Variants in JAZF1 observed in about 807,000 individuals in gnomAD.
JAZF1 encodes JAZF zinc finger 1.
In JAZF1, 8 loss-of-function variants were observed where a neutral mutation model predicts 26.4. That is an observed-to-expected ratio of 0.30 (90% CI 0.18 to 0.55). The LOEUF (loss-of-function observed/expected upper bound fraction) is 0.55, where lower values mean the gene tolerates loss of function less well. Ranked by LOEUF, JAZF1 falls within the 20% of genes least tolerant of loss-of-function variation. The probability of loss-of-function intolerance (pLI) is 0.94; values close to 1 mark genes in which losing one functional copy is unlikely to be tolerated. For missense variants in JAZF1, 199 were observed against 322.0 expected (o/e 0.62, Z 2.92); for synonymous variants, 126 against 122.3 (o/e 1.03, Z -0.20).
chr7:28,175,099 C>T (rs1783529385), intron 1 of JAZF1, among the ~76,000 whole-genome samples: 1 of 152,208 alleles, frequency 6.6e-6, no homozygotes, highest in African/African-American at 2.4e-5. Context: ...CAAATAAATT[C>T]AGGCCACAAG....
At chr7:27,861,545 TTTA>T (rs1157002541) in intron 3 of JAZF1, among the ~76,000 whole-genome samples, 4 of 112,710 alleles carry the variant, frequency 3.5e-5, no homozygotes, top group South Asian at 3.0e-4. Context: ...GACTACTTTT[TTTA>T]TTCTTTTTTT....
chr7:27,867,633 T>G (rs1386937930), intron 3 of JAZF1, among the ~76,000 whole-genome samples: 2 of 152,378 alleles, frequency 1.3e-5, no homozygotes, highest in South Asian at 4.1e-4. Flanking sequence ...TAAAACGTTA[T>G]GCGGGTGACA....
chr7:28,110,604 A>AAAGGAAAAGGAAAAGGAAAGG (rs199534020), intron 1 of JAZF1, among the ~76,000 whole-genome samples: 10 of 109,192 alleles, frequency 9.2e-5, no homozygotes, highest in African/African-American at 3.3e-4. Flanking sequence ...AAGGAAAAGG[A>AAAGGAAAAGGAAAAGGAAAGG]AAAGGAAAGG....
chr7:27,855,204 T>A (rs1783224351), intron 3 of JAZF1, among the ~76,000 whole-genome samples: 1 of 152,084 alleles, frequency 6.6e-6, no homozygotes, highest in African/African-American at 2.4e-5. Flanking sequence ...TGTATCAGAA[T>A]CTCTGGCACA....
At chr7:27,969,554 C>T (rs1035426081) in intron 2 of JAZF1, among the ~76,000 whole-genome samples, 3 of 152,050 alleles carry the variant, frequency 2.0e-5, no homozygotes, top group Admixed American at 2.0e-4. Context: ...GAAAAAAGCT[C>T]CTGGGACAAG....
rs529460219 is a variant in JAZF1 at position 28,117,641 on chromosome 7, T to C, written c.115+62822A>G. ...TGGAAAACACAATTTTAAATACTAT[T>C]CTATTTGTGTGTAGACAGCAACCTA... On this transcript the variant is annotated intron_variant, in intron 1 of 4. Coordinates refer to ENST00000283928, the MANE Select transcript of JAZF1 (RefSeq NM_175061.4). Among the ~76,000 whole-genome samples, 16 of 152,292 alleles carry C rather than the reference T, an allele frequency of 1.1e-4. No homozygotes were observed. The South Asian group carries it at 3.3e-3, about 32-fold the overall frequency.
At chr7:28,132,377 C>T (rs1472294749) in intron 1 of JAZF1, among the ~76,000 whole-genome samples, 4 of 152,164 alleles carry the variant, frequency 2.6e-5, no homozygotes, top group Non-Finnish European at 5.9e-5. Flanking sequence ...GACTGTTTTA[C>T]TTAGAAGCTT....
chr7:28,151,349 C>G (rs1783109640), intron 1 of JAZF1, among the ~76,000 whole-genome samples: 1 of 151,948 alleles, frequency 6.6e-6, no homozygotes, highest in African/African-American at 2.4e-5. Flanking sequence ...AAGTGATCTG[C>G]CCGCCTTGGC....
In JAZF1 at chr7:27,831,878, A is replaced by G. The variant is rs538368622; in HGVS notation, c.*922T>C. On this transcript the variant is annotated 3_prime_UTR_variant, in exon 5 of 5. Coordinates refer to ENST00000283928, the MANE Select transcript of JAZF1 (RefSeq NM_175061.4). ...AAATTGTTGGCAATAGAGAACTACA[A>G]AGTGCTTTAAAACTTCATCTGAAGA... 4.6e-6 allele frequency: 1 copy of G among 218,412 alleles called. No homozygotes were observed. Among genetic ancestry groups the G allele is most frequent in the East Asian group, 6.8e-5 (1 of 14,810 alleles). The allele number at this position is 218,412 out of a possible 1,614,324, so 13.5% of individuals were successfully genotyped here. A position where few individuals can be genotyped will look rare whatever the true frequency, so the allele number is the denominator to read the frequency against.
chr7:28,160,531 AG>A lies in JAZF1; in HGVS notation c.115+19931del, dbSNP rs1379479681. ...AGGCTGTTGGGTGAGATGTCCTCAA[AG>A]GTTCCTTCTGCTGCAAACTCTAAGA... On this transcript the variant is annotated intron_variant, in intron 1 of 4. Transcript: ENST00000283928. Among the ~76,000 whole-genome samples, 8 of 152,210 alleles carry A rather than the reference AG, an allele frequency of 5.3e-5. No homozygotes were observed. The South Asian group carries it at 8.3e-4, about 16-fold the overall frequency.
At chr7:27,908,101 G>C (rs1784294608) in intron 2 of JAZF1, among the ~76,000 whole-genome samples, 1 of 152,200 alleles carries the variant, frequency 6.6e-6, no homozygotes, top group Admixed American at 6.5e-5. Flanking sequence ...AGAAAGTTGA[G>C]TATGTCTAAG....
chr7:28,061,503 A>G (rs1378255302), intron 1 of JAZF1, among the ~76,000 whole-genome samples: 1 of 152,244 alleles, frequency 6.6e-6, no homozygotes, highest in Non-Finnish European at 1.5e-5. Context: ...AGGGAGTACA[A>G]TGAAAGTAAA....
chr7:27,889,715 A>T (rs72598542), intron 3 of JAZF1, among the ~76,000 whole-genome samples: 50,598 of 151,802 alleles, frequency 0.33, 8,866 homozygotes, highest in East Asian at 0.52. Context: ...GAGGATCACT[A>T]GAGGTCAGGA....
intron 1 of JAZF1, among the ~76,000 whole-genome samples, chr7:28,018,778 T>C (rs778161093): frequency 1.5e-4 from 23 of 152,306 alleles, no homozygotes; most frequent in Non-Finnish European, 2.4e-4. Flanking sequence ...GGTGGTTTTT[T>C]TGAAAGACAG....
At chr7:27,947,892 C>G (rs1301756347) in intron 2 of JAZF1, among the ~76,000 whole-genome samples, 2 of 152,162 alleles carry the variant, frequency 1.3e-5, no homozygotes, top group Non-Finnish European at 2.9e-5. Flanking sequence ...AGCTGGGTGT[C>G]TCAGACAAGC....
At chr7:27,909,848 T>C (rs888833122) in intron 2 of JAZF1, among the ~76,000 whole-genome samples, 4 of 152,238 alleles carry the variant, frequency 2.6e-5, no homozygotes, top group African/African-American at 9.6e-5. Flanking sequence ...TTTCATCTTG[T>C]GTTCACATAA....
intron 1 of JAZF1, among the ~76,000 whole-genome samples, chr7:28,024,420 A>G (rs577088373): frequency 5.3e-5 from 8 of 152,314 alleles, no homozygotes; most frequent in African/African-American, 1.9e-4. Flanking sequence ...GCTGGGTCCA[A>G]GGGTGGAGAA....
intron 1 of JAZF1, among the ~76,000 whole-genome samples, chr7:27,999,882 C>T (rs1220677289): frequency 6.6e-6 from 1 of 152,130 alleles, no homozygotes; most frequent in East Asian, 1.9e-4. Context: ...AGGATATATA[C>T]TTCCATCAAA....
intron 1 of JAZF1, among the ~76,000 whole-genome samples, chr7:28,108,617 T>C (rs1784592353): frequency 6.6e-6 from 1 of 152,160 alleles, no homozygotes. Flanking sequence ...TAAACTGGTA[T>C]AGCCACTATG....
Sources: gnomAD v4.1 joint callset for allele counts (sites outside exome capture counted in the v4.1 genomes callset) on GRCh38, gnomAD v4.1.1 for gene constraint, MANE v1.5 for transcripts, NCBI Gene and HGNC (gene_info 2026-07-23, HGNC 2026-07-21) for gene names.